The following VEZT variants were observed in gnomAD, a reference collection of about 807,000 sequenced individuals.
VEZT encodes vezatin, adherens junctions transmembrane protein, also known as vezatin.
In VEZT, 39 loss-of-function variants were observed where a neutral mutation model predicts 79.9. That is an observed-to-expected ratio of 0.49 (90% CI 0.38 to 0.64). The LOEUF is 0.64. VEZT is among the 30% of genes least tolerant of loss of function. The pLI, the probability that VEZT is intolerant of heterozygous loss-of-function variation, is 0.00. For synonymous variants in VEZT, 325 were observed against 327.6 expected (o/e 0.99, Z 0.09); for missense variants, 837 against 893.1 (o/e 0.94, Z 0.80).
intron 1 of VEZT, among the ~76,000 whole-genome samples, chr12:95,233,356 G>A (rs1251858181): frequency 6.6e-6 from 1 of 151,750 alleles, no homozygotes; most frequent in Non-Finnish European, 1.5e-5. Context: ...AAGTACCACT[G>A]TAATCACTTT....
chr12:95,278,854 A>C (rs1339288766), intron 7 of VEZT, among the ~76,000 whole-genome samples: 1 of 152,218 alleles, frequency 6.6e-6, no homozygotes, highest in East Asian at 1.9e-4. Context: ...GGATCAACTG[A>C]GGTTGGGAGT....
Position 95,289,081 on chromosome 12 carries a change from CA to C in VEZT, c.1522+1235del, listed in dbSNP as rs71078697. On this transcript the variant is annotated intron_variant, in intron 9 of 11. Transcript: ENST00000436874. ...TGGGCAACAGAGCGAGACTCCGTCT[CA>C]AAAAAAAAAATAAATAAATAAATAA... Among the ~76,000 whole-genome samples the C allele has an allele frequency of 5.1e-4, 63 of 123,088 alleles. 1 individual carries two copies. Among genetic ancestry groups the C allele is most frequent in the Middle Eastern group, 9.3e-3 (2 of 216 alleles). The allele number at this position is 123,088 out of a possible 152,430, so 80.8% of individuals were successfully genotyped here.
intron 1 of VEZT, among the ~76,000 whole-genome samples, chr12:95,225,761 CAAAAAAAAAAAAAAAAAAAA>C (rs531470163): frequency 1.5e-4 from 6 of 40,870 alleles, no homozygotes; most frequent in South Asian, 1.9e-3. Context: ...TGTTTCATAG[CAAAAAAAAAAAAAAAAAAAA>C]AAAAAAAAAA....
At chr12:95,269,359 T>G (rs1201527703) in intron 5 of VEZT, among the ~76,000 whole-genome samples, 1 of 152,200 alleles carries the variant, frequency 6.6e-6, no homozygotes, top group Non-Finnish European at 1.5e-5. Context: ...TATGCTACTA[T>G]GCAGTAACCC....
intron 2 of VEZT, 39 bp from the exon 3 acceptor site, chr12:95,257,111 C>CT (rs1435988655): frequency 6.6e-7 from 1 of 1,510,034 alleles, no homozygotes; most frequent in East Asian, 2.3e-5. Context: ...TTTGGGTATG[C>CT]TTTTAATAAT....
intron 9 of VEZT, among the ~76,000 whole-genome samples, chr12:95,288,557 A>G (rs1365611654): frequency 6.6e-6 from 1 of 152,228 alleles, no homozygotes; most frequent in Non-Finnish European, 1.5e-5. Context: ...AGACTTAGGC[A>G]TAGAATTTGC....
Position 95,249,231 on chromosome 12 carries a change from C to T in VEZT, c.37-2709C>T, listed in dbSNP as rs373359121. Among the ~76,000 whole-genome samples the T allele has an allele frequency of 7.2e-5, 11 of 152,268 alleles. No individual in the cohort carries two copies. In the South Asian group the frequency reaches 2.3e-3, roughly 32 times the overall value. ...AGAGTTAGAGTAACTTCCCTTTGATCCATCTTATTTATTGTTCTTCCCCAT... is the reference window on the plus strand; with the variant it reads ...AGAGTTAGAGTAACTTCCCTTTGATTCATCTTATTTATTGTTCTTCCCCAT... On this transcript the variant is annotated intron_variant, in intron 1 of 11. Coordinates refer to ENST00000436874, the MANE Select transcript of VEZT (RefSeq NM_017599.4).
At chr12:95,258,007 C>T (rs2063736668) in intron 3 of VEZT, among the ~76,000 whole-genome samples, 1 of 152,164 alleles carries the variant, frequency 6.6e-6, no homozygotes, top group South Asian at 2.1e-4. Context: ...AAATGTTCAG[C>T]TAGAAAGTGA....
At chr12:95,275,060 A>G (rs2067368102) in intron 7 of VEZT, among the ~76,000 whole-genome samples, 171 bp downstream of exon 7, 1 of 152,258 alleles carries the variant, frequency 6.6e-6, no homozygotes, top group South Asian at 2.1e-4. Context: ...CGAGAGCATA[A>G]TAAAGATTGG....
intron 9 of VEZT, 89 bp from the exon 10 acceptor site, chr12:95,294,183 G>C: frequency 9.2e-7 from 1 of 1,092,788 alleles, no homozygotes; most frequent in Non-Finnish European, 1.3e-6. Context: ...CACCACACCT[G>C]GCCCCAAGGG....
At chr12:95,220,198 T>C (rs1323975345) in intron 1 of VEZT, among the ~76,000 whole-genome samples, 1 of 152,342 alleles carries the variant, frequency 6.6e-6, no homozygotes, top group East Asian at 1.9e-4. Context: ...CTCACACCTG[T>C]AATCTCAGCA....
At chr12:95,295,222 G>A (rs925695337) in intron 10 of VEZT, among the ~76,000 whole-genome samples, 6 of 152,130 alleles carry the variant, frequency 3.9e-5, no homozygotes, top group African/African-American at 7.2e-5. Flanking sequence ...GTGCAGGGGC[G>A]CGATCTCGGC....
chr12:95,261,698 A>G (rs906465296), intron 3 of VEZT, among the ~76,000 whole-genome samples: 3 of 152,364 alleles, frequency 2.0e-5, no homozygotes. Context: ...GGCGTGAGCC[A>G]CTGCACCCGG....
intron 1 of VEZT, among the ~76,000 whole-genome samples, chr12:95,242,938 A>G (rs996342119): frequency 6.6e-6 from 1 of 151,954 alleles, no homozygotes; most frequent in African/African-American, 2.4e-5. Context: ...TAATAAGTTG[A>G]ATTTTTTCAA....
At chr12:95,243,911 C>T (rs546488357) in intron 1 of VEZT, 40 of 455,380 alleles carry the variant, frequency 8.8e-5, no homozygotes, top group African/African-American at 6.4e-4. Context: ...TACCCACTCC[C>T]GCTTTGACCT....
At chr12:95,285,162 G>A (rs372320516) in intron 8 of VEZT, among the ~76,000 whole-genome samples, 17 of 150,762 alleles carry the variant, frequency 1.1e-4, no homozygotes, top group African/African-American at 2.2e-4. Flanking sequence ...ACAAGCTTCC[G>A]GCCAGGCGCA....
chr12:95,286,363 A>G (rs1380428426), intron 8 of VEZT: 1 of 480,218 alleles, frequency 2.1e-6, no homozygotes, highest in Non-Finnish European at 4.1e-6. Flanking sequence ...AGCAATTTCA[A>G]TTTGAGGATA....
rs1287752034 is a variant in VEZT at position 95,266,430 on chromosome 12, C to T, written c.508C>T (p.Leu170=). The change falls in exon 5 of 12, where the codon CTG becomes TTG. Residue 170 remains leucine, a synonymous_variant. Coordinates refer to ENST00000436874, the MANE Select transcript of VEZT (RefSeq NM_017599.4). ...LPTWWIVSSW[L]VWGVILFVYL... ...CACTTGGTGGATTGTGTCTTCCTGG[C>T]TGGTATGGGGAGTGATTCTATTTGT... 6.2e-7 allele frequency: 1 copy of T among 1,613,768 alleles called. No individual in the cohort carries two copies. Among genetic ancestry groups the T allele is most frequent in the Non-Finnish European group, 8.5e-7 (1 of 1,179,838 alleles).
At chr12:95,247,591 G>T in intron 1 of VEZT, among the ~76,000 whole-genome samples, 1 of 151,950 alleles carries the variant, frequency 6.6e-6, no homozygotes, top group East Asian at 1.9e-4. Flanking sequence ...GTTCTAATAT[G>T]ATGTCATTAG....
Sources: allele counts gnomAD v4.1 joint callset (sites outside exome capture counted in the v4.1 genomes callset), GRCh38; gene constraint gnomAD v4.1.1; transcripts MANE v1.5; gene names NCBI Gene and HGNC (gene_info 2026-07-23, HGNC 2026-07-21).